Variants in GOLIM4 observed in about 807,000 individuals in gnomAD.
GOLIM4 encodes golgi integral membrane protein 4, also known as 130 kDa golgi-localized phosphoprotein.
GOLIM4 carries 71 observed loss-of-function variants against 107.4 expected under a neutral mutation model. The ratio of observed to expected loss-of-function variants is 0.66; its 90% CI spans 0.55 to 0.81. GOLIM4 has a LOEUF of 0.81. Among genes scored for constraint, GOLIM4 ranks in the 30% least tolerant of loss-of-function variants. The pLI is 0.00. For synonymous variants in GOLIM4, 327 were observed against 294.8 expected (o/e 1.11, Z -1.12); for missense variants, 830 against 826.1 (o/e 1.00, Z -0.06).
At position 168,041,374 on chromosome 3, in the gene GOLIM4, C is replaced by T. The variant is rs62273306; in HGVS notation, c.600+18G>A. ...AGCAGGCAAACACTAAATAGTGAAACGTTTGGTTTTCTTTTACCTTGACAT... is the reference window on the plus strand; with the variant it reads ...AGCAGGCAAACACTAAATAGTGAAATGTTTGGTTTTCTTTTACCTTGACAT... On this transcript the variant is annotated intron_variant, in intron 6 of 15. Coordinates refer to ENST00000470487, the MANE Select transcript of GOLIM4 (RefSeq NM_014498.5). 1.1e-3 allele frequency: 1,566 copies of T among 1,445,670 alleles called. 1 individual carries two copies. The highest frequency in any genetic ancestry group is 1.5e-3 in the Non-Finnish European group (1,510 of 1,029,438). The allele number at this position is 1,445,670 out of a possible 1,614,324, so 89.6% of individuals were successfully genotyped here.
chr3:168,073,590 GACAA>G (rs1181936409), intron 1 of GOLIM4, among the ~76,000 whole-genome samples: 4 of 152,110 alleles, frequency 2.6e-5, no homozygotes, highest in South Asian at 2.1e-4. Context: ...GTGGAAGACA[GACAA>G]ACAAGATATA....
intron 14 of GOLIM4, among the ~76,000 whole-genome samples, chr3:168,011,949 C>T (rs1717063926): frequency 6.8e-6 from 1 of 148,142 alleles, no homozygotes; most frequent in Admixed American, 6.6e-5. Flanking sequence ...GGGGAAAAAA[C>T]AGAACAGAAA....
At chr3:168,095,014 A>G (rs747911298) in intron 1 of GOLIM4, 85 bp downstream of exon 1, 56 of 1,054,846 alleles carry the variant, frequency 5.3e-5, no homozygotes, top group Non-Finnish European at 6.9e-5. Flanking sequence ...CACAGTGCCA[A>G]TAGCTCACCA....
intron 2 of GOLIM4, 67 bp downstream of exon 2, chr3:168,048,224 C>T (rs1719420133): frequency 1.2e-6 from 1 of 840,224 alleles, no homozygotes; most frequent in South Asian, 1.5e-5. Context: ...AAATTGTAAA[C>T]CAAGTATATG....
At chr3:168,051,442 T>C (rs1039106693) in intron 1 of GOLIM4, among the ~76,000 whole-genome samples, 2 of 152,200 alleles carry the variant, frequency 1.3e-5, no homozygotes, top group Admixed American at 1.3e-4. Flanking sequence ...TTATAAACTT[T>C]CATAAATAAC....
Position 168,032,855 on chromosome 3 carries a change from AG to A in GOLIM4, c.844-4del. ...CACACATCATTATTTCGAGACACCT[AG>A]GCCAAGCACATCACTGGGAATGACA... is the stretch of plus-strand genomic sequence containing the variant. On this transcript the variant is annotated splice_region_variant and splice_polypyrimidine_tract_variant and intron_variant, in intron 8 of 15. Coordinates refer to ENST00000470487, the MANE Select transcript of GOLIM4 (RefSeq NM_014498.5). 6.2e-7 allele frequency: 1 copy of A among 1,601,358 alleles called. No homozygotes were observed. The highest frequency in any genetic ancestry group is 8.5e-7 in the Non-Finnish European group (1 of 1,170,636).
intron 1 of GOLIM4, among the ~76,000 whole-genome samples, chr3:168,082,686 A>G (rs1721434228): frequency 1.3e-5 from 2 of 152,208 alleles, no homozygotes; most frequent in South Asian, 4.1e-4. Flanking sequence ...AAAGTAGAGA[A>G]GAGAATACAT....
At chr3:168,062,269 C>T (rs974569853) in intron 1 of GOLIM4, among the ~76,000 whole-genome samples, 4 of 152,100 alleles carry the variant, frequency 2.6e-5, no homozygotes, top group Admixed American at 1.3e-4. Flanking sequence ...GAATCTCTGT[C>T]TGGTGCCATC....
chr3:168,053,286 C>T (rs535100508), intron 1 of GOLIM4, among the ~76,000 whole-genome samples: 20 of 152,302 alleles, frequency 1.3e-4, no homozygotes, highest in African/African-American at 4.8e-4. Flanking sequence ...AGGCAGAAAA[C>T]ACTGCTAAGT....
Position 168,009,994 on chromosome 3 carries a change from A to G in GOLIM4, c.*275T>C. ...CAAAATCAATGAGCTTTCCAACATC[A>G]CATAATCTATTAAAAAAATTGGGAC... On this transcript the variant is annotated 3_prime_UTR_variant, in exon 16 of 16. Transcript: ENST00000470487. 1 of 278,156 alleles carries G rather than the reference A, an allele frequency of 3.6e-6. No individual in the cohort carries two copies. Among genetic ancestry groups the G allele is most frequent in the Non-Finnish European group, 6.6e-6 (1 of 151,894 alleles). 17.2% of individuals were successfully genotyped at this position (278,156 alleles called of 1,614,324 possible).
chr3:168,088,959 A>T (rs143286607), intron 1 of GOLIM4, among the ~76,000 whole-genome samples: 120 of 152,314 alleles, frequency 7.9e-4, no homozygotes, highest in Non-Finnish European at 1.1e-3. Context: ...ACAGCAACCA[A>T]TTATTTACCT....
intron 3 of GOLIM4, among the ~76,000 whole-genome samples, chr3:168,046,370 A>G (rs908440318): frequency 2.0e-5 from 3 of 152,088 alleles, no homozygotes; most frequent in Non-Finnish European, 4.4e-5. Context: ...GCAGGGTCAT[A>G]GGACAATAGT....
chr3:168,036,905 C>T lies in GOLIM4; in HGVS notation c.774G>A (p.Val258=). Reference sequence around the variant, plus strand: ...CTTGTGGAGAATGTGCCACCTGGGTCACATTTTGCTGTTCTGCTGGATCAG... The same window carrying T: ...CTTGTGGAGAATGTGCCACCTGGGTTACATTTTGCTGTTCTGCTGGATCAG... ...RKPDPAEQQN[V]TQVAHSPQGY... The change falls in exon 8 of 16, where the codon GTG becomes GTA. Residue 258 remains valine, a synonymous_variant. Coordinates refer to ENST00000470487, the MANE Select transcript of GOLIM4 (RefSeq NM_014498.5). The T allele has an allele frequency of 6.2e-7, 1 of 1,613,730 alleles. No individual in the cohort carries two copies. Among genetic ancestry groups the T allele is most frequent in the South Asian group, 1.1e-5 (1 of 91,030 alleles).
At chr3:168,010,522 A>G in intron 15 of GOLIM4, 104 bp from the exon 16 acceptor site, 1 of 851,530 alleles carries the variant, frequency 1.2e-6, no homozygotes, top group South Asian at 1.8e-5. Context: ...TTGGAGGAAA[A>G]AAAAGGAAGA....
At chr3:168,067,630 A>G (rs1484550630) in intron 1 of GOLIM4, among the ~76,000 whole-genome samples, 1 of 152,218 alleles carries the variant, frequency 6.6e-6, no homozygotes, top group Non-Finnish European at 1.5e-5. Context: ...TTAAAAATCA[A>G]TATTTTTCTA....
intron 1 of GOLIM4, among the ~76,000 whole-genome samples, chr3:168,094,552 A>G (rs1722065155): frequency 6.6e-6 from 1 of 152,272 alleles, no homozygotes; most frequent in East Asian, 1.9e-4. Context: ...AGAAACTAGC[A>G]GGTCCAGATC....
chr3:168,013,240 C>T (rs951380104), intron 14 of GOLIM4, among the ~76,000 whole-genome samples: 2 of 151,234 alleles, frequency 1.3e-5, no homozygotes, highest in African/African-American at 2.5e-5. Context: ...GGTTGCAATC[C>T]GAGTCTCTGA....
chr3:168,073,142 C>T (rs564535403), intron 1 of GOLIM4, among the ~76,000 whole-genome samples: 14 of 152,200 alleles, frequency 9.2e-5, no homozygotes, highest in Non-Finnish European at 1.9e-4. Context: ...AGAAGGCATT[C>T]TACTGTGTAG....
chr3:168,025,302 A>C (rs1717936007), intron 12 of GOLIM4, among the ~76,000 whole-genome samples: 1 of 152,238 alleles, frequency 6.6e-6, no homozygotes, highest in Non-Finnish European at 1.5e-5. Flanking sequence ...GATGAATCAG[A>C]ATGAGGTTCA....
Sources: allele counts gnomAD v4.1 joint callset (sites outside exome capture counted in the v4.1 genomes callset), GRCh38; gene constraint gnomAD v4.1.1; transcripts MANE v1.5; gene names NCBI Gene and HGNC (gene_info 2026-07-23, HGNC 2026-07-21).